Variants in TENM4 observed in about 807,000 individuals in gnomAD.
The protein encoded by TENM4 is teneurin-4.
A neutral mutation model predicts 243.3 loss-of-function variants in TENM4; 82 were observed. That is an observed-to-expected ratio of 0.34 (90% CI 0.28 to 0.40). The LOEUF (loss-of-function observed/expected upper bound fraction) is 0.40. Ranked by LOEUF, TENM4 falls within the 10% of genes least tolerant of loss-of-function variation. TENM4 has a pLI of 1.00. For missense variants in TENM4, 3,138 were observed against 3,673.3 expected, an observed-to-expected ratio of 0.85 and a Z score of 3.77; for synonymous variants, 1,412 against 1,456.3, an observed-to-expected ratio of 0.97 and a Z score of 0.69.
At chr11:79,401,673 A>T (rs1182116391) in intron 1 of TENM4, among the ~76,000 whole-genome samples, 1 of 152,204 alleles carries the variant, frequency 6.6e-6, no homozygotes, top group Non-Finnish European at 1.5e-5. Context: ...TATACATTTG[A>T]TAGGCTCCCC....
chr11:78,763,350 G>A (rs1384381604), intron 18 of TENM4, among the ~76,000 whole-genome samples: 1 of 152,174 alleles, frequency 6.6e-6, no homozygotes, highest in Non-Finnish European at 1.5e-5. Context: ...CACTCGAGTG[G>A]CCCCTGATGG....
intron 9 of TENM4, 26 bp from the exon 10 acceptor site, chr11:78,863,158 T>C (rs1444082957): frequency 6.8e-7 from 1 of 1,464,682 alleles, no homozygotes; most frequent in Non-Finnish European, 9.2e-7. Context: ...AGAAAAGTCA[T>C]CTTTTTCTGC....
At chr11:79,273,462 C>T (rs959617601) in intron 2 of TENM4, among the ~76,000 whole-genome samples, 2 of 152,144 alleles carry the variant, frequency 1.3e-5, no homozygotes, top group African/African-American at 4.8e-5. Flanking sequence ...GCTCTAGAAA[C>T]GATAAAGAAA....
At chr11:79,286,854 A>G (rs1473264548) in intron 2 of TENM4, among the ~76,000 whole-genome samples, 1 of 152,158 alleles carries the variant, frequency 6.6e-6, no homozygotes, top group Non-Finnish European at 1.5e-5. Flanking sequence ...TTAAGATTGG[A>G]CCTCATTCTT....
Position 78,688,117 on chromosome 11 carries a change from T to C in TENM4, c.5197A>G (p.Lys1733Glu), listed in dbSNP as rs1430676354. 4 of 1,613,970 alleles carry C rather than the reference T, an allele frequency of 2.5e-6. No individual in the cohort carries two copies. Among genetic ancestry groups the C allele is most frequent in the East Asian group, 2.2e-5 (1 of 44,874 alleles). Residue 1733 changes from lysine to glutamate, a missense_variant, in exon 29 of 34, where the codon AAG (lysine) becomes GAG (glutamate). Physicochemically the swap from Lys to Glu is moderately conservative, Grantham distance 56. Around this residue, in one of 2 missense-constraint regions of TENM4, gnomAD observed 2,467 missense variants for 3,059.1 expected, o/e 0.81. Transcript: ENST00000278550. ...SVHVQVETSS[K>E]DDVTITTNLS... The stretch of plus-strand genomic sequence containing the variant: ...TTGGTGGTTATGGTGACATCATCCT[T>C]GCTGGAGGTCTCTACCTGGACATGC...
At chr11:79,149,862 G>A (rs1361571542) in intron 3 of TENM4, among the ~76,000 whole-genome samples, 1 of 152,168 alleles carries the variant, frequency 6.6e-6, no homozygotes, top group Non-Finnish European at 1.5e-5. Flanking sequence ...CAAAGACACA[G>A]TGCACAAGGA....
intron 3 of TENM4, among the ~76,000 whole-genome samples, chr11:79,192,088 A>AG (rs1863518529): frequency 7.6e-6 from 1 of 130,966 alleles, no homozygotes; most frequent in African/African-American, 3.3e-5. Context: ...TCCGGGAGGG[A>AG]GGTGGGGGGG....
chr11:78,899,241 C>T (rs1591111548), intron 7 of TENM4, among the ~76,000 whole-genome samples: 1 of 152,176 alleles, frequency 6.6e-6, no homozygotes, highest in Non-Finnish European at 1.5e-5. Flanking sequence ...TTTGGAGAGG[C>T]CCTTAGAGGG....
chr11:78,810,668 GT>G (rs1857479429), intron 14 of TENM4, among the ~76,000 whole-genome samples: 1 of 152,194 alleles, frequency 6.6e-6, no homozygotes, highest in Admixed American at 6.5e-5. Context: ...CACGCTTGGG[GT>G]TTATATACAG....
chr11:79,132,533 C>G (rs1448285494), intron 4 of TENM4, among the ~76,000 whole-genome samples: 1 of 151,974 alleles, frequency 6.6e-6, no homozygotes, highest in Non-Finnish European at 1.5e-5. Flanking sequence ...CCAACAACCA[C>G]AGAATACACA....
intron 1 of TENM4, among the ~76,000 whole-genome samples, chr11:79,335,322 G>A (rs1007509830): frequency 2.0e-5 from 3 of 152,180 alleles, no homozygotes; most frequent in African/African-American, 4.8e-5. Flanking sequence ...TGCTCAAAGA[G>A]AGCCAATAGG....
In TENM4 at chr11:79,096,192, C is replaced by T. The variant is rs958351130; in HGVS notation, c.-65-26183G>A. On this transcript the variant is annotated intron_variant, in intron 4 of 33. Coordinates refer to ENST00000278550, the MANE Select transcript of TENM4 (RefSeq NM_001098816.3). ...GGTACTGTCTACTTGCCCCAGGGAC[C>T]TGCTGTGCTGAGGATCATTCCCAGG... 8 of 152,318 alleles carry T rather than the reference C, an allele frequency of 5.3e-5. 3 individuals are homozygous for T. The highest frequency in any genetic ancestry group is 5.2e-4 in the Admixed American group (8 of 15,306). 9.4% of individuals were successfully genotyped at this position (152,318 alleles called of 1,614,324 possible).
chr11:78,982,607 C>G (rs1857825030), intron 6 of TENM4, among the ~76,000 whole-genome samples: 1 of 152,216 alleles, frequency 6.6e-6, no homozygotes. Context: ...TGCATTCACA[C>G]TCACTGGAAA....
At chr11:79,022,646 G>A (rs1189627041) in intron 6 of TENM4, among the ~76,000 whole-genome samples, 1 of 152,128 alleles carries the variant, frequency 6.6e-6, no homozygotes, top group Non-Finnish European at 1.5e-5. Flanking sequence ...AGACACACAC[G>A]ATAGCATTTT....
At chr11:79,200,551 G>T (rs1863718730) in intron 3 of TENM4, among the ~76,000 whole-genome samples, 1 of 152,234 alleles carries the variant, frequency 6.6e-6, no homozygotes, top group African/African-American at 2.4e-5. Flanking sequence ...GGCCTTCCAG[G>T]CTTACTCCTC....
At chr11:78,667,359 G>T (rs1858182547) in intron 32 of TENM4, among the ~76,000 whole-genome samples, 1 of 152,176 alleles carries the variant, frequency 6.6e-6, no homozygotes, top group Non-Finnish European at 1.5e-5. Flanking sequence ...ACAGGGTCCA[G>T]GTGGGGGCTA....
chr11:78,676,190 C>T lies in TENM4; in HGVS notation c.5458G>A (p.Ala1820Thr). The change falls in exon 30 of 34, where the codon GCT becomes ACT. Residue 1820 changes from alanine to threonine, a missense_variant. By Grantham distance (58) the Ala-to-Thr change is moderately conservative (BLOSUM62 0). Transcript: ENST00000278550. Reference protein sequence around the residue: ...LVEWRQRKEQARGQVTVFGRR... With the variant: ...LVEWRQRKEQTRGQVTVFGRR... ...CCAAAGACAGTGACCTGGCCCCGAG[C>T]CTGCTCTTTGCGCTGGCGCCACTCC... 1 of 1,559,230 alleles carries T rather than the reference C, an allele frequency of 6.4e-7. No individual in the cohort carries two copies. Among genetic ancestry groups the T allele is most frequent in the Non-Finnish European group, 8.7e-7 (1 of 1,148,170 alleles).
chr11:78,895,456 C>T (rs1031305049), intron 7 of TENM4, among the ~76,000 whole-genome samples: 1 of 152,076 alleles, frequency 6.6e-6, no homozygotes, highest in Non-Finnish European at 1.5e-5. Context: ...GAGACATGTG[C>T]CCTGCCCTCA....
At chr11:79,171,889 G>C (rs570620948) in intron 3 of TENM4, among the ~76,000 whole-genome samples, 1 of 152,262 alleles carries the variant, frequency 6.6e-6, no homozygotes, top group East Asian at 1.9e-4. Flanking sequence ...TCTAAGCTGG[G>C]GTAACCAAGT....
Sources: allele counts gnomAD v4.1 joint callset (sites outside exome capture counted in the v4.1 genomes callset), GRCh38; gene constraint gnomAD v4.1.1; regional missense constraint gnomAD v4.1.1; transcripts MANE v1.5; gene names NCBI Gene and HGNC (gene_info 2026-07-23, HGNC 2026-07-21).